SND1: variants seen among roughly 807,000 people sequenced by gnomAD.
SND1 encodes the protein staphylococcal nuclease domain-containing protein 1.
Under a neutral mutation model 121.7 loss-of-function variants are expected in SND1, and 38 were observed. That is an observed-to-expected ratio of 0.31 (90% confidence interval 0.24 to 0.41). SND1 has a LOEUF of 0.41. SND1 is among the 10% of genes least tolerant of loss of function. The probability of loss-of-function intolerance (pLI) is 1.00; values close to 1 mark genes in which losing one functional copy is unlikely to be tolerated. For synonymous variants in SND1, 401 were observed against 447.4 expected (o/e 0.90, Z 1.31); for missense variants, 868 against 1,184.6 (o/e 0.73, Z 3.92).
At chr7:127,946,809 T>C (rs1801339579) in intron 15 of SND1, among the ~76,000 whole-genome samples, 1 of 152,204 alleles carries the variant, frequency 6.6e-6, no homozygotes, top group Non-Finnish European at 1.5e-5. Flanking sequence ...TTTGATATAA[T>C]TTTACACTTA....
chr7:127,971,875 C>G (rs921359669), intron 15 of SND1, among the ~76,000 whole-genome samples: 1 of 150,604 alleles, frequency 6.6e-6, no homozygotes, highest in Non-Finnish European at 1.5e-5. Flanking sequence ...TGGGTTCAAG[C>G]AATTCTCCTG....
chr7:127,951,000 A>G (rs1426659958), intron 15 of SND1, among the ~76,000 whole-genome samples: 1 of 152,230 alleles, frequency 6.6e-6, no homozygotes, highest in African/African-American at 2.4e-5. Context: ...TATGGAAAGT[A>G]GTATGGAGAT....
At chr7:127,871,546 T>C (rs1457178550) in intron 12 of SND1, among the ~76,000 whole-genome samples, 1 of 152,194 alleles carries the variant, frequency 6.6e-6, no homozygotes, top group Non-Finnish European at 1.5e-5. Context: ...AACATCATTA[T>C]GTAGTGCATG....
chr7:127,762,120 C>T (rs1358509220), intron 10 of SND1, among the ~76,000 whole-genome samples: 2 of 152,038 alleles, frequency 1.3e-5, no homozygotes, highest in Non-Finnish European at 2.9e-5. Flanking sequence ...ATGGCCACAC[C>T]GAGCTTGATT....
intron 1 of SND1, among the ~76,000 whole-genome samples, chr7:127,676,733 G>A (rs912146708): frequency 6.6e-6 from 1 of 152,030 alleles, no homozygotes; most frequent in Admixed American, 6.6e-5. Context: ...CTGTGACTTT[G>A]ATATTTTCTT....
chr7:127,941,610 T>C (rs565449127), intron 15 of SND1, among the ~76,000 whole-genome samples: 1 of 152,344 alleles, frequency 6.6e-6, no homozygotes, highest in South Asian at 2.1e-4. Context: ...ACATGGTGTC[T>C]GTCTCTTCTC....
chr7:127,970,038 T>C (rs1801947617), intron 15 of SND1, among the ~76,000 whole-genome samples: 1 of 152,208 alleles, frequency 6.6e-6, no homozygotes, highest in Non-Finnish European at 1.5e-5. Context: ...TCATTATTGT[T>C]ATGTGAGTTT....
intron 11 of SND1, among the ~76,000 whole-genome samples, chr7:127,822,088 G>A (rs1485336949): frequency 6.6e-6 from 1 of 151,942 alleles, no homozygotes; most frequent in African/African-American, 2.4e-5. Context: ...GCTAATAAAG[G>A]GTATAAGTTA....
intron 18 of SND1, chr7:128,082,085 C>T (rs1793614545): frequency 2.5e-6 from 1 of 407,500 alleles, no homozygotes; most frequent in Non-Finnish European, 5.1e-6. Flanking sequence ...GAGTGGTGTG[C>T]ACTGTGGCCA....
intron 10 of SND1, among the ~76,000 whole-genome samples, chr7:127,802,540 G>C (rs2116566489): frequency 6.6e-6 from 1 of 152,228 alleles, no homozygotes; most frequent in South Asian, 2.1e-4. Context: ...TTGGTTTCCA[G>C]AACACAGCAT....
intron 2 of SND1, among the ~76,000 whole-genome samples, chr7:127,687,567 G>A (rs934113170): frequency 1.3e-5 from 2 of 152,216 alleles, no homozygotes; most frequent in Non-Finnish European, 2.9e-5. Context: ...TAGAACATGT[G>A]ATATTTGATT....
At chr7:127,733,229 A>G (rs1403046179) in intron 10 of SND1, among the ~76,000 whole-genome samples, 1 of 151,968 alleles carries the variant, frequency 6.6e-6, no homozygotes, top group African/African-American at 2.4e-5. Flanking sequence ...CATTGACTCT[A>G]TTTTCTGCCT....
intron 15 of SND1, among the ~76,000 whole-genome samples, chr7:127,970,493 G>A (rs1156296630): frequency 6.6e-6 from 1 of 152,164 alleles, no homozygotes; most frequent in Admixed American, 6.5e-5. Flanking sequence ...TGTCTTTGCT[G>A]TCACTGTCTT....
At chr7:127,658,774 G>A (rs1468449286) in intron 1 of SND1, among the ~76,000 whole-genome samples, 1 of 152,250 alleles carries the variant, frequency 6.6e-6, no homozygotes, top group African/African-American at 2.4e-5. Context: ...ATTTGGTGAA[G>A]TCTATGCCCC....
At chr7:127,938,124 C>T (rs1801100954) in intron 15 of SND1, among the ~76,000 whole-genome samples, 1 of 152,182 alleles carries the variant, frequency 6.6e-6, no homozygotes, top group Middle Eastern at 3.2e-3. Context: ...AAATGGGCAG[C>T]TTAACATGAG....
At chr7:127,791,742 A>G (rs1797913222) in intron 10 of SND1, among the ~76,000 whole-genome samples, 1 of 152,182 alleles carries the variant, frequency 6.6e-6, no homozygotes, top group Non-Finnish European at 1.5e-5. Context: ...GTGATAACAA[A>G]TCTGGGATTT....
intron 16 of SND1, among the ~76,000 whole-genome samples, chr7:128,054,012 T>C (rs535808978): frequency 6.6e-6 from 1 of 152,206 alleles, no homozygotes; most frequent in South Asian, 2.1e-4. Flanking sequence ...CCTGGAGAAA[T>C]GGGCCTGCTG....
chr7:127,930,622 T>C (rs911109463), intron 15 of SND1, among the ~76,000 whole-genome samples: 66 of 152,296 alleles, frequency 4.3e-4, no homozygotes, highest in Middle Eastern at 3.4e-3. Context: ...TGCAAAAAAA[T>C]TCATACCTTA....
chr7:127,682,947 T>G (rs1795752238), intron 1 of SND1, among the ~76,000 whole-genome samples: 1 of 152,244 alleles, frequency 6.6e-6, no homozygotes, highest in Non-Finnish European at 1.5e-5. Flanking sequence ...ACGGCTTGTT[T>G]TGGTGCCATA....
Sources: allele counts gnomAD v4.1 joint callset (sites outside exome capture counted in the v4.1 genomes callset), GRCh38; gene constraint gnomAD v4.1.1; transcripts MANE v1.5; gene names NCBI Gene and HGNC (gene_info 2026-07-23, HGNC 2026-07-21).